ANPEP: variants seen among roughly 807,000 people sequenced by gnomAD.
The protein encoded by ANPEP is aminopeptidase N.
A neutral mutation model predicts 114.6 loss-of-function variants in ANPEP; 70 were observed. The observed-to-expected ratio is 0.61, with a 90% CI of 0.50 to 0.75. The LOEUF is 0.75. Ranked by LOEUF, ANPEP falls within the 30% of genes least tolerant of loss-of-function variation. The pLI is 0.00. For synonymous variants in ANPEP, 548 were observed against 522.3 expected, an observed-to-expected ratio of 1.05 and a Z score of -0.67; for missense variants, 1,184 against 1,259.5, an observed-to-expected ratio of 0.94 and a Z score of 0.91.
At chr15:89,795,098 A>G (rs1968704281) in intron 15 of ANPEP, among the ~76,000 whole-genome samples, 1 of 152,192 alleles carries the variant, frequency 6.6e-6, no homozygotes, top group African/African-American at 2.4e-5. Flanking sequence ...ATGGAAAAAA[A>G]AAAAAAAAGG....
At chr15:89,805,670 G>A (rs566621270) in intron 2 of ANPEP, among the ~76,000 whole-genome samples, 72 of 152,304 alleles carry the variant, frequency 4.7e-4, no homozygotes, top group Non-Finnish European at 7.8e-4. Flanking sequence ...TTCTGGATTC[G>A]GGGTGCCAGC....
Position 89,792,493 on chromosome 15 carries a change from A to G in ANPEP, c.2319T>C (p.Ser773=). The G allele has an allele frequency of 3.1e-6, 5 of 1,614,146 alleles. No individual in the cohort carries two copies. Among genetic ancestry groups the G allele is most frequent in the Non-Finnish European group, 4.2e-6 (5 of 1,180,004 alleles). The stretch of plus-strand genomic sequence containing the variant: ...TCTCCATCCACTGCTTGAAAAGGCC[A>G]GAGACCATCTCCTCACACTCTGGAA... ...NGVPECEEMV[S]GLFKQWMENP... Residue 773 remains serine (S), a synonymous_variant, in exon 17 of 21, where the codon TCT becomes TCC. Transcript: ENST00000300060.
chr15:89,798,048 G>A lies in ANPEP; in HGVS notation c.2010-326C>T, dbSNP rs1291641752. ...ACTTGCCCAAGGTCACACACCTCACGAGAGACAGAGCTGAGATTTAAAAGG... is the reference window on the plus strand; with the variant it reads ...ACTTGCCCAAGGTCACACACCTCACAAGAGACAGAGCTGAGATTTAAAAGG... On this transcript the variant is annotated intron_variant, in intron 14 of 20. Transcript: ENST00000300060. Among the ~76,000 whole-genome samples, 4 of 152,212 alleles carry A rather than the reference G, an allele frequency of 2.6e-5. No individual in the cohort carries two copies. In the East Asian group the frequency reaches 5.8e-4, roughly 22 times the overall value.
chr15:89,813,455 C>T (rs892588204), intron 1 of ANPEP, among the ~76,000 whole-genome samples: 4 of 152,170 alleles, frequency 2.6e-5, no homozygotes. Context: ...GACACTGGGC[C>T]GGTTTCCCCA....
At chr15:89,785,674 AAC>A (rs1318451757) in intron 20 of ANPEP, among the ~76,000 whole-genome samples, 173 bp from the exon 21 acceptor site, 2 of 152,212 alleles carry the variant, frequency 1.3e-5, no homozygotes, top group South Asian at 2.1e-4. Flanking sequence ...AGTCCTTGTG[AAC>A]ACAGAGGTTG....
chr15:89,790,323 C>T (rs8192302), intron 20 of ANPEP, 137 bp downstream of exon 20: 6 of 681,018 alleles, frequency 8.8e-6, no homozygotes, highest in Admixed American at 5.8e-5. Context: ...TCTGGCTACT[C>T]GGCTTCCTCT....
chr15:89,806,183 C>T lies in ANPEP; in HGVS notation c.401G>A (p.Gly134Glu). The T allele has an allele frequency of 6.2e-7, 1 of 1,614,122 alleles. No individual in the cohort carries two copies. The highest frequency in any genetic ancestry group is 8.5e-7 in the Non-Finnish European group (1 of 1,180,014). Residue 134 changes from glycine to glutamate, a missense_variant, in exon 2 of 21, where the codon GGG (glycine) becomes GAG (glutamate). Gly to Glu is a moderately conservative substitution (Grantham distance 98). Coordinates refer to ENST00000300060, the MANE Select transcript of ANPEP (RefSeq NM_001150.3). This position sits in a 1 kb window ranked among gnomAD's most constrained non-coding sequence, Gnocchi z 5.7. The stretch of plus-strand genomic sequence containing the variant: ...CACACCACGCAGGACCACCCTGTGC[C>T]CCTGGCTGAGGGTGTAGTTGAGCTT... ...SKKLNYTLSQ[G>E]HRVVLRGVGG...
intron 1 of ANPEP, among the ~76,000 whole-genome samples, chr15:89,813,550 T>C (rs528145328): frequency 6.6e-6 from 1 of 152,226 alleles, no homozygotes; most frequent in East Asian, 1.9e-4. Flanking sequence ...GGAAGGTGGC[T>C]GAGAGTGGAT....
intron 10 of ANPEP, 97 bp from the exon 11 acceptor site, chr15:89,801,704 C>T (rs1894595620): frequency 2.1e-6 from 3 of 1,417,094 alleles, no homozygotes; most frequent in African/African-American, 1.4e-5. Context: ...CCCCGGGGGG[C>T]CACTTGTATG....
chr15:89,788,703 C>T (rs202106783), intron 20 of ANPEP, among the ~76,000 whole-genome samples: 2 of 152,186 alleles, frequency 1.3e-5, no homozygotes, highest in South Asian at 2.1e-4. Context: ...CTGGTTCAAG[C>T]GATCCTCTCA....
At chr15:89,793,235 C>T (rs1968667430) in intron 15 of ANPEP, 109 bp from the exon 16 acceptor site, 2 of 923,222 alleles carry the variant, frequency 2.2e-6, no homozygotes, top group Admixed American at 2.1e-5. Context: ...CGTCAGAGGT[C>T]AGGGCCTCAC....
In ANPEP at chr15:89,806,471, T is replaced by C; in HGVS notation, c.113A>G (p.Asn38Ser). The change falls in exon 2 of 21, where the codon AAC (asparagine) becomes AGC (serine). Residue 38 changes from asparagine (N) to serine (S), a missense_variant. Physicochemically the swap from Asn to Ser is conservative, Grantham distance 46. Coordinates refer to ENST00000300060, the MANE Select transcript of ANPEP (RefSeq NM_001150.3). This position sits in a 1 kb window ranked among gnomAD's most constrained non-coding sequence, Gnocchi z 5.7. The part of the protein sequence containing the change: ...ALSVVYSQEK[N>S]KNANSSPVAS... The stretch of plus-strand genomic sequence containing the variant: ...CACGGGGGAGCTGTTGGCGTTCTTG[T>C]TCTTCTCCTGGGAGTACACCACTGA... 6.2e-7 allele frequency: 1 copy of C among 1,614,016 alleles called. No homozygotes were observed. Among genetic ancestry groups the C allele is most frequent in the African/African-American group, 1.3e-5 (1 of 75,000 alleles).
At chr15:89,808,567 C>T (rs960666854) in intron 1 of ANPEP, among the ~76,000 whole-genome samples, 3 of 152,238 alleles carry the variant, frequency 2.0e-5, no homozygotes, top group Admixed American at 6.5e-5. Context: ...AAACTCCTTA[C>T]CAAAGTCTTT....
At position 89,804,609 on chromosome 15, in the gene ANPEP, G is replaced by T; in HGVS notation, c.906C>A (p.Ile302=). 6.2e-7 allele frequency: 1 copy of T among 1,613,790 alleles called. No homozygotes were observed. Among genetic ancestry groups the T allele is most frequent in the African/African-American group, 1.3e-5 (1 of 75,056 alleles). ...CCGCAATGGCACTGGGCCGGGCCCAGATCCGGATCTGCAAGGTGTGAGGAA... is the reference window on the plus strand; with the variant it reads ...CCGCAATGGCACTGGGCCGGGCCCATATCCGGATCTGCAAGGTGTGAGGAA... ...KQASNGVLIR[I]WARPSAIAAG... The change falls in exon 5 of 21, where the codon ATC becomes ATA. Residue 302 remains isoleucine, a synonymous_variant. Coordinates refer to ENST00000300060, the MANE Select transcript of ANPEP (RefSeq NM_001150.3).
At chr15:89,804,783 G>C in intron 4 of ANPEP, 166 bp from the exon 5 acceptor site, 1 of 1,017,400 alleles carries the variant, frequency 9.8e-7, no homozygotes, top group Non-Finnish European at 1.4e-6. Flanking sequence ...CGCTACTGGG[G>C]TCTGGAGGCT....
In ANPEP at chr15:89,797,622, A is replaced by G. The variant is rs748787586; in HGVS notation, c.2110T>C (p.Tyr704His). The part of the protein sequence containing the change: ...PWEAALSSLS[Y>H]FKLMFDRSEV... Reference sequence around the variant, plus strand: ...GAGCGGTCAAACATGAGCTTGAAGTAGCTCAGGCTGCTCAGGGCGGCCTCC... The same window carrying G: ...GAGCGGTCAAACATGAGCTTGAAGTGGCTCAGGCTGCTCAGGGCGGCCTCC... Residue 704 changes from tyrosine (Y) to histidine (H), a missense_variant, in exon 15 of 21, where the codon TAC becomes CAC. Transcript: ENST00000300060. 1.2e-6 allele frequency: 2 copies of G among 1,614,180 alleles called. No homozygotes were observed. The highest frequency in any genetic ancestry group is 1.7e-6 in the Non-Finnish European group (2 of 1,180,034).
Position 89,806,865 on chromosome 15 carries a change from G to GGGCTGAAGGGCAGGCTTCC in ANPEP, c.-223-78_-223-60dup. The GGGCTGAAGGGCAGGCTTCC allele has an allele frequency of 2.4e-6, 1 of 413,924 alleles. No homozygotes were observed. The highest frequency in any genetic ancestry group is 2.0e-5 in the African/African-American group (1 of 50,798). The allele number at this position is 413,924 out of a possible 1,614,324, so 25.6% of individuals were successfully genotyped here. On this transcript the variant is annotated intron_variant, in intron 1 of 20. Transcript: ENST00000300060. This position sits in a 1 kb window ranked among gnomAD's most constrained non-coding sequence, Gnocchi z 5.7. ...GCAGGCGGCCTGGGATCAGGCCCGA[G>GGGCTGAAGGGCAGGCTTCC]GGCTGAAGGGCAGGCTTCCGGCTGT...
intron 10 of ANPEP, 32 bp from the exon 11 acceptor site, chr15:89,801,639 G>A: frequency 6.2e-7 from 1 of 1,606,280 alleles, no homozygotes; most frequent in Non-Finnish European, 8.5e-7. Context: ...GTGGCCATCA[G>A]TGGGACCCTC....
At chr15:89,796,717 G>C (rs1247616048) in intron 15 of ANPEP, among the ~76,000 whole-genome samples, 1 of 151,488 alleles carries the variant, frequency 6.6e-6, no homozygotes, top group African/African-American at 2.4e-5. Context: ...GGATGGTCTC[G>C]ATCTGCTGAC....
Sources: allele counts gnomAD v4.1 joint callset (sites outside exome capture counted in the v4.1 genomes callset), GRCh38; gene constraint gnomAD v4.1.1; non-coding constraint Gnocchi (gnomAD v3.1); transcripts MANE v1.5; gene names NCBI Gene and HGNC (gene_info 2026-07-23, HGNC 2026-07-21).